The following UTRN variants were observed in gnomAD, a reference collection of about 807,000 sequenced individuals.
UTRN encodes utrophin, also known as dystrophin-related protein 1.
UTRN carries 283 observed loss-of-function variants against 463.9 expected under a neutral mutation model. The ratio of observed to expected loss-of-function variants is 0.61; its 90% CI spans 0.55 to 0.67. The LOEUF (loss-of-function observed/expected upper bound fraction) is 0.67, where lower values mean the gene tolerates loss of function less well. Ranked by LOEUF, UTRN falls within the 30% of genes least tolerant of loss-of-function variation. UTRN has a pLI of 0.00. For missense variants in UTRN, 3,922 were observed against 4,084.3 expected, an observed-to-expected ratio of 0.96 and a Z score of 1.08; for synonymous variants, 1,442 against 1,431.5, an observed-to-expected ratio of 1.01 and a Z score of -0.17.
At chr6:144,637,709 C>T (rs1261473558) in intron 51 of UTRN, among the ~76,000 whole-genome samples, 1 of 151,762 alleles carries the variant, frequency 6.6e-6, no homozygotes, top group Non-Finnish European at 1.5e-5. Context: ...CTTTTCCCCT[C>T]CACCCTAATG....
chr6:144,736,279 G>A (rs1385936027), intron 54 of UTRN, among the ~76,000 whole-genome samples: 1 of 152,166 alleles, frequency 6.6e-6, no homozygotes, highest in Non-Finnish European at 1.5e-5. Flanking sequence ...TGTTGGAGAG[G>A]TTAGATCAGG....
intron 52 of UTRN, 53 bp downstream of exon 52, chr6:144,678,631 T>G: frequency 1.4e-6 from 2 of 1,436,578 alleles, no homozygotes; most frequent in Non-Finnish European, 1.9e-6. Context: ...GGGTAGATAC[T>G]TGTGATTTTT....
intron 51 of UTRN, among the ~76,000 whole-genome samples, chr6:144,618,632 T>C (rs930358467): frequency 2.6e-5 from 4 of 152,142 alleles, no homozygotes; most frequent in African/African-American, 7.2e-5. Context: ...TTTAATTTTA[T>C]TTACCCATCT....
intron 3 of UTRN, among the ~76,000 whole-genome samples, chr6:144,408,569 C>G (rs1347029576): frequency 6.6e-6 from 1 of 152,206 alleles, no homozygotes; most frequent in African/African-American, 2.4e-5. Flanking sequence ...CTGCTTTTCT[C>G]TTTTCTAAGA....
chr6:144,428,988 G>A (rs1785543558), intron 8 of UTRN, 95 bp downstream of exon 8: 2 of 763,010 alleles, frequency 2.6e-6, no homozygotes, highest in Non-Finnish European at 4.1e-6. Flanking sequence ...AATGAATTAT[G>A]AGACTTGAAG....
intron 65 of UTRN, among the ~76,000 whole-genome samples, chr6:144,805,664 T>A (rs372580599): frequency 2.0e-5 from 3 of 152,162 alleles, no homozygotes; most frequent in Admixed American, 6.6e-5. Flanking sequence ...TTATTAAGAC[T>A]TCCGAGTTGG....
chr6:144,686,333 C>T (rs1471297206), intron 52 of UTRN, among the ~76,000 whole-genome samples: 1 of 152,016 alleles, frequency 6.6e-6, no homozygotes, highest in East Asian at 1.9e-4. Flanking sequence ...GGAGAATGTT[C>T]CATATGCTGA....
chr6:144,759,877 A>G (rs897148399), intron 58 of UTRN, among the ~76,000 whole-genome samples: 1 of 152,126 alleles, frequency 6.6e-6, no homozygotes, highest in Non-Finnish European at 1.5e-5. Flanking sequence ...AAATTAATGC[A>G]TGTACTATAA....
Position 144,304,220 on chromosome 6 carries a change from G to T in UTRN, c.79+12313G>T, listed in dbSNP as rs371734323. On this transcript the variant is annotated intron_variant, in intron 2 of 74. Transcript: ENST00000367545. ...ATATGCTGATATTTCAGAAATGGTG[G>T]TTCCCTTAACCTTCAAGAAAAAACA... Among the ~76,000 whole-genome samples, 41 of 152,050 alleles carry T rather than the reference G, an allele frequency of 2.7e-4. No individual in the cohort carries two copies. In the East Asian group the frequency reaches 7.0e-3, roughly 26 times the overall value.
intron 60 of UTRN, 69 bp from the exon 61 acceptor site, chr6:144,781,853 G>C: frequency 8.4e-7 from 1 of 1,188,810 alleles, no homozygotes; most frequent in Non-Finnish European, 1.2e-6. Flanking sequence ...AAATGCCTTT[G>C]TTGTGATGTT....
intron 65 of UTRN, among the ~76,000 whole-genome samples, chr6:144,811,350 A>C (rs1180973172): frequency 1.3e-5 from 2 of 152,056 alleles, no homozygotes; most frequent in East Asian, 3.9e-4. Context: ...GTCTCTTCAG[A>C]TGTGATGTGG....
chr6:144,305,355 A>T (rs905491233), intron 2 of UTRN, among the ~76,000 whole-genome samples: 1 of 152,314 alleles, frequency 6.6e-6, no homozygotes. Flanking sequence ...AAATACAAAA[A>T]TTTTTATGGA....
intron 2 of UTRN, among the ~76,000 whole-genome samples, chr6:144,298,558 C>T (rs188324823): frequency 2.0e-5 from 3 of 152,282 alleles, no homozygotes; most frequent in Admixed American, 2.0e-4. Flanking sequence ...TATAACCTCA[C>T]CTTCACTTTT....
chr6:144,764,950 A>G (rs1008017720), intron 58 of UTRN, among the ~76,000 whole-genome samples: 2 of 152,130 alleles, frequency 1.3e-5, no homozygotes, highest in Admixed American at 6.5e-5. Flanking sequence ...GGGGGCATAC[A>G]AGGCTCCCCA....
At chr6:144,625,494 G>A (rs1201489924) in intron 51 of UTRN, among the ~76,000 whole-genome samples, 2 of 152,156 alleles carry the variant, frequency 1.3e-5, no homozygotes, top group Non-Finnish European at 2.9e-5. Context: ...TTAAAAACTT[G>A]AAAGAATTTT....
chr6:144,416,039 ATGTG>A (rs1003353381), intron 3 of UTRN, among the ~76,000 whole-genome samples: 1 of 150,958 alleles, frequency 6.6e-6, no homozygotes, highest in East Asian at 2.0e-4. Flanking sequence ...TAGTCCGTGG[ATGTG>A]TGTGTGTGTA....
intron 53 of UTRN, among the ~76,000 whole-genome samples, chr6:144,712,321 A>G (rs1785814362): frequency 6.6e-6 from 1 of 152,128 alleles, no homozygotes; most frequent in African/African-American, 2.4e-5. Context: ...CCTAATCATA[A>G]TATGTAATAT....
At position 144,488,822 on chromosome 6, in the gene UTRN, A is replaced by C; in HGVS notation, c.4122A>C (p.Pro1374=). Residue 1374 remains proline, a synonymous_variant, in exon 30 of 75, where the codon CCA becomes CCC. Transcript: ENST00000367545. ...LTDRIDAFQV[P]QEAQKIQAEI... ...ACAGGATAGATGCTTTCCAAGTTCC[A>C]CAGGAAGCTCAGGTATTGCCGTGCA... 2.5e-6 allele frequency: 4 copies of C among 1,595,490 alleles called. No homozygotes were observed. The highest frequency in any genetic ancestry group is 2.6e-6 in the Non-Finnish European group (3 of 1,168,894).
chr6:144,608,583 G>A (rs34504312), intron 51 of UTRN, among the ~76,000 whole-genome samples: 22,867 of 152,102 alleles, frequency 0.15, 1,936 homozygotes, highest in South Asian at 0.27. Flanking sequence ...CCCAAGCTGG[G>A]ACAGTGGCAC....
Sources: allele counts gnomAD v4.1 joint callset (sites outside exome capture counted in the v4.1 genomes callset), GRCh38; gene constraint gnomAD v4.1.1; transcripts MANE v1.5; gene names NCBI Gene and HGNC (gene_info 2026-07-23, HGNC 2026-07-21).